Variants in CHD7 observed in about 807,000 individuals in gnomAD.
The protein encoded by CHD7 is chromodomain helicase DNA binding protein 7.
CHD7 carries 24 observed loss-of-function variants against 307.3 expected under a neutral mutation model. The observed-to-expected ratio is 0.08, with a 90% confidence interval of 0.06 to 0.11. The LOEUF is 0.11. Among genes scored for constraint, CHD7 ranks in the 10% least tolerant of loss-of-function variants. CHD7 has a pLI of 1.00. For missense variants in CHD7, 3,106 were observed against 3,727.1 expected, an observed-to-expected ratio of 0.83 and a Z score of 4.34; for synonymous variants, 1,363 against 1,349.9, an observed-to-expected ratio of 1.01 and a Z score of -0.21.
chr8:60,846,292 A>G (rs1033859706), intron 23 of CHD7, among the ~76,000 whole-genome samples: 5 of 152,146 alleles, frequency 3.3e-5, no homozygotes, highest in African/African-American at 1.2e-4. Flanking sequence ...TTTGCTTAAT[A>G]TTACCTCAGT....
chr8:60,819,401 C>T (rs1803914341), intron 8 of CHD7, among the ~76,000 whole-genome samples: 1 of 152,036 alleles, frequency 6.6e-6, no homozygotes, highest in African/African-American at 2.4e-5. Flanking sequence ...AATACTTTTG[C>T]CTAAACACAC....
chr8:60,851,328 C>T lies in CHD7; in HGVS notation c.5665+9C>T, dbSNP rs568256905. ...GGAAATACATGCCACAGGTAAGGTC[C>T]CAGAAAAGCTTGTGTAGCCGAGCAG... On this transcript the variant is annotated intron_variant, in intron 28 of 37. Coordinates refer to ENST00000423902, the MANE Select transcript of CHD7 (RefSeq NM_017780.4). 15 of 1,556,026 alleles carry T rather than the reference C, an allele frequency of 9.6e-6. No homozygotes were observed. In the East Asian group the frequency reaches 1.7e-4, roughly 17 times the overall value.
At chr8:60,850,789 A>G in intron 26 of CHD7, 167 bp downstream of exon 26, 1 of 766,508 alleles carries the variant, frequency 1.3e-6, no homozygotes, top group Non-Finnish European at 2.1e-6. Flanking sequence ...TTTAAACAAT[A>G]TACATTATCT....
At chr8:60,707,309 C>T (rs546212487) in intron 1 of CHD7, among the ~76,000 whole-genome samples, 2 of 152,296 alleles carry the variant, frequency 1.3e-5, no homozygotes, top group South Asian at 2.1e-4. Flanking sequence ...GTGTGATCCT[C>T]TACATCCAGC....
chr8:60,823,378 A>G (rs997745424), intron 12 of CHD7, among the ~76,000 whole-genome samples: 4 of 148,298 alleles, frequency 2.7e-5, no homozygotes, highest in African/African-American at 5.0e-5. Flanking sequence ...TTTGCTATAT[A>G]TATGTTTTTG....
At position 60,856,495 on chromosome 8, in the gene CHD7, A is replaced by G. The variant is rs1805716155; in HGVS notation, c.7215A>G (p.Arg2405=). Reference sequence around the variant, plus strand: ...CTCGCCAGCGGAGGAGGAGGAGGAGAAAAATCGAAATTGAGGCCGAAAGAG... The same window carrying G: ...CTCGCCAGCGGAGGAGGAGGAGGAGGAAAATCGAAATTGAGGCCGAAAGAG... ...SVPRQRRRRR[R]KIEIEAERAA... is the part of the protein sequence containing the mutation. Residue 2405 remains arginine (R), a synonymous_variant, in exon 34 of 38, where the codon AGA becomes AGG. Transcript: ENST00000423902. 1 of 1,613,640 alleles carries G rather than the reference A, an allele frequency of 6.2e-7. No homozygotes were observed. Among genetic ancestry groups the G allele is most frequent in the African/African-American group, 1.3e-5 (1 of 74,914 alleles).
chr8:60,715,443 C>T (rs924256554), intron 1 of CHD7, among the ~76,000 whole-genome samples: 1 of 151,962 alleles, frequency 6.6e-6, no homozygotes, highest in Non-Finnish European at 1.5e-5. Flanking sequence ...CATCAGCCTC[C>T]GGAGTAGCTG....
chr8:60,850,114 T>G (rs1805386092), intron 25 of CHD7, among the ~76,000 whole-genome samples: 1 of 152,162 alleles, frequency 6.6e-6, no homozygotes, highest in East Asian at 1.9e-4. Flanking sequence ...ACAGAGTGGA[T>G]GGGGGTGGAC....
chr8:60,685,165 C>T (rs553853691), intron 1 of CHD7, among the ~76,000 whole-genome samples: 1 of 152,236 alleles, frequency 6.6e-6, no homozygotes, highest in South Asian at 2.1e-4. Flanking sequence ...GATAATGGAC[C>T]ATGATGACAT....
At chr8:60,851,224 C>T in intron 27 of CHD7, 38 bp from the exon 28 acceptor site, 1 of 1,537,776 alleles carries the variant, frequency 6.5e-7, no homozygotes, top group South Asian at 1.2e-5. Context: ...AATGAGACCC[C>T]AAATTAAAGT....
In CHD7 at chr8:60,749,370, CAAAA is replaced by C. The variant is rs55661758; in HGVS notation, c.1665+6294_1665+6297del. Reference sequence around the variant, plus strand: ...TGGTCAACAGAGCAAGACTCTGTATCAAAAAAAAAAAAAAAAAAAAAAAAGGAAT... The same window carrying C: ...TGGTCAACAGAGCAAGACTCTGTATCAAAAAAAAAAAAAAAAAAAAGGAAT... On this transcript the variant is annotated intron_variant, in intron 2 of 37. Coordinates refer to ENST00000423902, the MANE Select transcript of CHD7 (RefSeq NM_017780.4). Among the ~76,000 whole-genome samples the C allele has an allele frequency of 5.1e-3, 285 of 56,288 alleles. 2 individuals carry two copies. Among genetic ancestry groups the C allele is most frequent in the African/African-American group, 0.012 (147 of 12,604 alleles). The allele number at this position is 56,288 out of a possible 152,430, so 36.9% of individuals were successfully genotyped here.
rs1226056409 is a variant in CHD7 at position 60,866,102 on chromosome 8, T to A, written c.*169T>A. The A allele has an allele frequency of 1.6e-6, 1 of 615,698 alleles. No individual in the cohort carries two copies. The allele number at this position is 615,698 out of a possible 1,614,324, so 38.1% of individuals were successfully genotyped here. Reference sequence around the variant, plus strand: ...ACAGGTGTGTCAAAAGGTATCTTGGTCATTAAGTATTGTGCAGTGCATTAT... The same window carrying A: ...ACAGGTGTGTCAAAAGGTATCTTGGACATTAAGTATTGTGCAGTGCATTAT... On this transcript the variant is annotated 3_prime_UTR_variant, in exon 38 of 38. Coordinates refer to ENST00000423902, the MANE Select transcript of CHD7 (RefSeq NM_017780.4).
At chr8:60,749,654 T>C (rs962703388) in intron 2 of CHD7, among the ~76,000 whole-genome samples, 5 of 152,248 alleles carry the variant, frequency 3.3e-5, no homozygotes, top group African/African-American at 1.2e-4. Context: ...TTTGCAGGTA[T>C]ATGCACCTTC....
chr8:60,715,224 T>C (rs1807530147), intron 1 of CHD7, among the ~76,000 whole-genome samples: 1 of 152,014 alleles, frequency 6.6e-6, no homozygotes, highest in African/African-American at 2.4e-5. Context: ...TTTTTATTAA[T>C]AAGGCTAGAT....
At chr8:60,748,987 T>TAAAAAA (rs372874769) in intron 2 of CHD7, among the ~76,000 whole-genome samples, 121 of 149,314 alleles carry the variant, frequency 8.1e-4, no homozygotes, top group Middle Eastern at 3.4e-3. Flanking sequence ...TTTTTTTTTT[T>TAAAAAA]AAAAAAATAG....
At chr8:60,755,069 C>T (rs2150604831) in intron 2 of CHD7, among the ~76,000 whole-genome samples, 1 of 152,080 alleles carries the variant, frequency 6.6e-6, no homozygotes, top group African/African-American at 2.4e-5. Flanking sequence ...CACTGAAGGC[C>T]CTGTTGTGAA....
chr8:60,842,453 C>G (rs1805015320), intron 21 of CHD7, among the ~76,000 whole-genome samples: 1 of 152,194 alleles, frequency 6.6e-6, no homozygotes, highest in South Asian at 2.1e-4. Flanking sequence ...GCAGTAATCT[C>G]ACTTGTTAAA....
intron 7 of CHD7, chr8:60,809,395 G>T (rs1393469082): frequency 6.6e-6 from 1 of 152,112 alleles, no homozygotes; most frequent in Non-Finnish European, 1.5e-5. Flanking sequence ...GTAAGGAGGA[G>T]GTAAACTAAG....
chr8:60,827,338 T>C (rs1263157270), intron 13 of CHD7, among the ~76,000 whole-genome samples: 6 of 152,290 alleles, frequency 3.9e-5, no homozygotes, highest in Non-Finnish European at 8.8e-5. Flanking sequence ...TTTTAAAATA[T>C]TTGGTTAAGC....
Sources: allele counts gnomAD v4.1 joint callset (sites outside exome capture counted in the v4.1 genomes callset), GRCh38; gene constraint gnomAD v4.1.1; transcripts MANE v1.5; gene names NCBI Gene and HGNC (gene_info 2026-07-23, HGNC 2026-07-21).